Variants in BIVM observed in about 807,000 individuals in gnomAD.
BIVM encodes the protein basic, immunoglobulin-like variable motif containing.
In BIVM, 31 loss-of-function variants were observed where a neutral mutation model predicts 61.4. The observed-to-expected ratio is 0.51, with a 90% CI of 0.38 to 0.68. BIVM has a LOEUF of 0.68. Among genes scored for constraint, BIVM ranks in the 30% least tolerant of loss-of-function variants. The pLI, the probability that BIVM is intolerant of heterozygous loss-of-function variation, is 0.00. For synonymous variants in BIVM, 189 were observed against 210.7 expected, an observed-to-expected ratio of 0.90 and a Z score of 0.89; for missense variants, 526 against 596.0, an observed-to-expected ratio of 0.88 and a Z score of 1.22.
At chr13:102,805,835 C>T (rs537876818) in intron 2 of BIVM, among the ~76,000 whole-genome samples, 1 of 152,300 alleles carries the variant, frequency 6.6e-6, no homozygotes, top group Admixed American at 6.5e-5. Flanking sequence ...TGGGTCAGTA[C>T]TTCATTTCTT....
intron 3 of BIVM, among the ~76,000 whole-genome samples, chr13:102,814,692 C>G (rs1175073939): frequency 1.3e-5 from 2 of 152,142 alleles, no homozygotes; most frequent in Admixed American, 1.3e-4. Flanking sequence ...CAGTTGCTCA[C>G]CTTTGCCAGT....
rs940867181 is a variant in BIVM, at chr13:102,807,928, G to A, written c.478+183G>A. On this transcript the variant is annotated intron_variant, in intron 3 of 10. Transcript: ENST00000257336. This position sits in a 1 kb window ranked among gnomAD's most constrained non-coding sequence, Gnocchi z 4.0. ...TGACGTAGGGCATGTAGTTCATTGC[G>A]GGGCTTCCACTGGAAACTTCAAGCA... Among the ~76,000 whole-genome samples the A allele has an allele frequency of 4.0e-5, 6 of 151,558 alleles. No individual in the cohort carries two copies. Among genetic ancestry groups the A allele is most frequent in the Admixed American group, 2.6e-4 (4 of 15,104 alleles).
In BIVM at chr13:102,821,108, T is replaced by TA. The variant is rs1177706660; in HGVS notation, c.678dup (p.Tyr227IlefsTer28). 1 of 1,613,378 alleles carries TA rather than the reference T, an allele frequency of 6.2e-7. No individual in the cohort carries two copies. On this transcript the variant is annotated frameshift_variant, in exon 5 of 11. Coordinates refer to ENST00000257336, the MANE Select transcript of BIVM (RefSeq NM_017693.4). LOFTEE classifies it high-confidence loss of function. ...TCATTAATTTCTTGTTGGAATTTCTTATACAGCACAATGGGAGCTGGAAAG... is the reference window on the plus strand; with the variant it reads ...TCATTAATTTCTTGTTGGAATTTCTTAATACAGCACAATGGGAGCTGGAAAG...
chr13:102,823,174 G>C (rs1880416359), intron 7 of BIVM, among the ~76,000 whole-genome samples: 1 of 152,216 alleles, frequency 6.6e-6, no homozygotes. Flanking sequence ...GTCCAGGCCT[G>C]TTTGAGAAGA....
In BIVM at chr13:102,838,716, C is replaced by G; in HGVS notation, c.1195C>G (p.Leu399Val). The change falls in exon 10 of 11, where the codon CTG becomes GTG. Residue 399 changes from leucine to valine, a missense_variant. Leu to Val is a conservative substitution (Grantham distance 32). This residue lies in a region of BIVM where 210 missense variants were observed against 233.1 expected (regional missense o/e 0.90). Coordinates refer to ENST00000257336, the MANE Select transcript of BIVM (RefSeq NM_017693.4). ...GGATATCCGGCACTTAGAGAGGGGA[C>G]TGCAGTATAGAAAAACAAAGAAGGT... ...YLDIRHLERG[L>V]QYRKTKKVGG... 1.2e-6 allele frequency: 2 copies of G among 1,613,168 alleles called. No individual in the cohort carries two copies. The highest frequency in any genetic ancestry group is 1.7e-6 in the Non-Finnish European group (2 of 1,179,530).
chr13:102,825,629 C>G (rs1286616008), intron 7 of BIVM, among the ~76,000 whole-genome samples: 1 of 152,230 alleles, frequency 6.6e-6, no homozygotes, highest in Non-Finnish European at 1.5e-5. Flanking sequence ...CGATGTTTCC[C>G]TGTTCTTCAC....
Position 102,822,058 on chromosome 13 carries a change from C to T in BIVM, c.807-7C>T. The T allele has an allele frequency of 6.2e-7, 1 of 1,612,978 alleles. No homozygotes were observed. The highest frequency in any genetic ancestry group is 8.5e-7 in the Non-Finnish European group (1 of 1,179,666). Reference sequence around the variant, plus strand: ...TTGCCATGAACAAATCTTCTTGTTACTTTCAGGTGGTTTAGACAAATTAAT... The same window carrying T: ...TTGCCATGAACAAATCTTCTTGTTATTTTCAGGTGGTTTAGACAAATTAAT... On this transcript the variant is annotated splice_region_variant and splice_polypyrimidine_tract_variant and intron_variant, in intron 6 of 10. Transcript: ENST00000257336.
At chr13:102,833,345 T>TTTTTTTTTTTTTTTTTTTTTTTG in intron 8 of BIVM, among the ~76,000 whole-genome samples, 1 of 145,954 alleles carries the variant, frequency 6.9e-6, no homozygotes, top group South Asian at 2.3e-4. Flanking sequence ...TTTTTTTTTT[T>TTTTTTTTTTTTTTTTTTTTTTTG]GAGACAAGGC....
At chr13:102,828,470 A>T (rs16960594) in intron 7 of BIVM, among the ~76,000 whole-genome samples, 2 of 152,064 alleles carry the variant, frequency 1.3e-5, no homozygotes, top group Non-Finnish European at 2.9e-5. Context: ...ACATCGCTTC[A>T]CCATGATTGT....
chr13:102,807,529 C>A lies in BIVM; in HGVS notation c.262C>A (p.Pro88Thr), dbSNP rs764054526. 2 of 1,614,062 alleles carry A rather than the reference C, an allele frequency of 1.2e-6. No homozygotes were observed. Among genetic ancestry groups the A allele is most frequent in the African/African-American group, 2.7e-5 (2 of 74,938 alleles). ...GACCTCAATCTATAAAACTCCAAAT[C>A]CATCCCGCTCTCCTTGCCTCCCTGA... is the stretch of plus-strand genomic sequence containing the variant. ...QATSIYKTPN[P>T]SRSPCLPDST... is the part of the protein sequence containing the mutation. The change falls in exon 3 of 11, where the codon CCA becomes ACA. Residue 88 changes from proline to threonine, a missense_variant. Transcript: ENST00000257336. This position sits in a 1 kb window ranked among gnomAD's most constrained non-coding sequence, Gnocchi z 4.0.
intron 10 of BIVM, 100 bp from the exon 11 acceptor site, chr13:102,839,472 C>T (rs746336525): frequency 1.2e-5 from 18 of 1,454,310 alleles, no homozygotes; most frequent in South Asian, 2.8e-5. Context: ...ATTCTGAGGC[C>T]GGTGAAGTAA....
intron 8 of BIVM, among the ~76,000 whole-genome samples, 166 bp from the exon 9 acceptor site, chr13:102,834,300 T>C (rs1881315583): frequency 6.6e-6 from 1 of 152,214 alleles, no homozygotes; most frequent in South Asian, 2.1e-4. Context: ...TGAGTTCTCT[T>C]TAATGGCCTG....
At chr13:102,819,435 G>A (rs1006636097) in intron 4 of BIVM, among the ~76,000 whole-genome samples, 1 of 152,218 alleles carries the variant, frequency 6.6e-6, no homozygotes, top group African/African-American at 2.4e-5. Flanking sequence ...ACAGTAAGGT[G>A]TTGAAGACAG....
chr13:102,809,221 ACTT>A lies in BIVM; in HGVS notation c.478+1477_478+1479del, dbSNP rs533367159. 7.9e-5 allele frequency among the ~76,000 whole-genome samples: 12 copies of A among 152,272 alleles called. 1 individual carries two copies. In the South Asian group the frequency reaches 1.4e-3, roughly 18 times the overall value. On this transcript the variant is annotated intron_variant, in intron 3 of 10. Transcript: ENST00000257336. ...AAATTTTGATATGCTTATTATTATT[ACTT>A]AATTGGAAATATTTTCTAATTTCCT...
intron 7 of BIVM, among the ~76,000 whole-genome samples, chr13:102,823,073 C>T (rs1046272459): frequency 1.9e-4 from 29 of 152,080 alleles, no homozygotes; most frequent in Middle Eastern, 3.2e-3. Flanking sequence ...AGGGGACGTC[C>T]GTAAGGAACT....
intron 4 of BIVM, among the ~76,000 whole-genome samples, chr13:102,818,969 T>G (rs1193160819): frequency 1.3e-5 from 2 of 152,194 alleles, no homozygotes; most frequent in African/African-American, 4.8e-5. Flanking sequence ...ACTGTTAGTA[T>G]TGGACTTGTA....
intron 7 of BIVM, among the ~76,000 whole-genome samples, chr13:102,823,448 A>T (rs148312962): frequency 6.6e-6 from 1 of 152,230 alleles, no homozygotes; most frequent in Admixed American, 6.5e-5. Context: ...GGATAAAAGG[A>T]GACATACTTG....
chr13:102,821,768 G>A lies in BIVM; in HGVS notation c.727G>A (p.Ala243Thr). ...GNLPPITQEEALHILGFQPPF... is the reference protein window; with the variant it reads ...GNLPPITQEETLHILGFQPPF... The stretch of plus-strand genomic sequence containing the variant: ...CCTTCCACCTATTACCCAAGAAGAA[G>A]CTTTACATATTCTGGGCTTTCAACC... Residue 243 changes from alanine to threonine, a missense_variant, in exon 6 of 11, where the codon GCT (alanine) becomes ACT (threonine). Physicochemically the swap from Ala to Thr is moderately conservative, Grantham distance 58. This residue lies in a region of BIVM where 312 missense variants were observed against 343.8 expected (regional missense o/e 0.91). Transcript: ENST00000257336. 6.2e-7 allele frequency: 1 copy of A among 1,613,812 alleles called. No homozygotes were observed. The highest frequency in any genetic ancestry group is 8.5e-7 in the Non-Finnish European group (1 of 1,179,934).
At chr13:102,820,834 T>G in intron 4 of BIVM, 1 of 511,676 alleles carries the variant, frequency 2.0e-6, no homozygotes. Context: ...TTAGTCATAC[T>G]TAGCTATTTT....
Sources: allele counts gnomAD v4.1 joint callset (sites outside exome capture counted in the v4.1 genomes callset), GRCh38; gene constraint gnomAD v4.1.1; regional missense constraint gnomAD v4.1.1; non-coding constraint Gnocchi (gnomAD v3.1); transcripts MANE v1.5; gene names NCBI Gene and HGNC (gene_info 2026-07-23, HGNC 2026-07-21).